Variants in SPEGNB observed in about 807,000 individuals in gnomAD.
SPEGNB encodes SPEG neighbor, also known as SPEG neighbor protein.
In SPEGNB, 12 loss-of-function variants were observed where a neutral mutation model predicts 18.3. That is an observed-to-expected ratio of 0.65 (90% confidence interval 0.42 to 1.06). SPEGNB has a LOEUF of 1.06. Ranked by LOEUF, SPEGNB falls within the 50% of genes least tolerant of loss-of-function variation. SPEGNB has a pLI of 0.00. For synonymous variants in SPEGNB, 113 were observed against 138.8 expected (o/e 0.81, Z 1.31); for missense variants, 273 against 329.3 (o/e 0.83, Z 1.32).
chr2:219,497,081 G>T lies in SPEGNB; in HGVS notation c.401G>T (p.Gly134Val), dbSNP rs1424609037. ...AGCATCAACGTCACCAACCCCTTCG[G>T]CCAGTGCTCCGACTCGGCGCGCATC... The part of the protein sequence containing the change: ...QYSINVTNPF[G>V]QCSDSARILV... Residue 134 changes from glycine (G) to valine (V), a missense_variant, in exon 3 of 5, where the codon GGC becomes GTC. Gly to Val is a moderately radical substitution (Grantham distance 109). Transcript: ENST00000651166. The T allele has an allele frequency of 8.9e-6, 11 of 1,229,500 alleles. No homozygotes were observed. In the South Asian group the frequency reaches 1.5e-4, roughly 17 times the overall value. 76.2% of individuals were successfully genotyped at this position (1,229,500 alleles called of 1,614,324 possible).
In SPEGNB at chr2:219,498,242, C is replaced by A; in HGVS notation, c.*53C>A. 7.8e-7 allele frequency: 1 copy of A among 1,274,148 alleles called. No individual in the cohort carries two copies. The highest frequency in any genetic ancestry group is 1.0e-6 in the Non-Finnish European group (1 of 973,998). The allele number at this position is 1,274,148 out of a possible 1,614,324, so 78.9% of individuals were successfully genotyped here. A position where few individuals can be genotyped will look rare whatever the true frequency, so the allele number is the denominator to read the frequency against. ...CGCCGAGCCCGGGGGTGGTGGGACC[C>A]ACAGCCCTCCACCAGCTTGCTTAAT... On this transcript the variant is annotated 3_prime_UTR_variant, in exon 5 of 5. Transcript: ENST00000651166.
Sources: allele counts gnomAD v4.1 joint callset, GRCh38; gene constraint gnomAD v4.1.1; transcripts MANE v1.5; gene names NCBI Gene and HGNC (gene_info 2026-07-23, HGNC 2026-07-21).